The following SCMH1 variants were observed in gnomAD, a reference collection of about 807,000 sequenced individuals.
SCMH1 encodes polycomb protein SCMH1.
Under a neutral mutation model 70.8 loss-of-function variants are expected in SCMH1, and 37 were observed. The observed-to-expected ratio is 0.52, with a 90% CI of 0.40 to 0.69. The LOEUF (loss-of-function observed/expected upper bound fraction) is 0.69, where lower values mean the gene tolerates loss of function less well. Ranked by LOEUF, SCMH1 falls within the 30% of genes least tolerant of loss-of-function variation. The probability of loss-of-function intolerance (pLI) is 0.00; values close to 1 mark genes in which losing one functional copy is unlikely to be tolerated. For missense variants in SCMH1, 607 were observed against 827.3 expected, an observed-to-expected ratio of 0.73 and a Z score of 3.27; for synonymous variants, 292 against 307.4, an observed-to-expected ratio of 0.95 and a Z score of 0.52.
intron 2 of SCMH1, among the ~76,000 whole-genome samples, chr1:41,162,474 T>C (rs931580923): frequency 3.3e-5 from 5 of 152,030 alleles, no homozygotes; most frequent in South Asian, 2.1e-4. Context: ...TGGCCACCCA[T>C]AGACCAATGG....
intron 1 of SCMH1, among the ~76,000 whole-genome samples, chr1:41,190,531 G>C (rs993489849): frequency 1.3e-5 from 2 of 152,196 alleles, no homozygotes; most frequent in Non-Finnish European, 2.9e-5. Context: ...TATTGGTGAA[G>C]ATACTAAATC....
At chr1:41,175,765 A>G (rs1647075388) in intron 2 of SCMH1, among the ~76,000 whole-genome samples, 1 of 152,104 alleles carries the variant, frequency 6.6e-6, no homozygotes, top group African/African-American at 2.4e-5. Flanking sequence ...TCCCACTCCA[A>G]GTGTTTGCCT....
chr1:41,180,646 T>C (rs1648474270), intron 2 of SCMH1, among the ~76,000 whole-genome samples: 1 of 152,118 alleles, frequency 6.6e-6, no homozygotes, highest in Non-Finnish European at 1.5e-5. Context: ...ACAAGGGACG[T>C]GAAGGAGCTC....
intron 1 of SCMH1, among the ~76,000 whole-genome samples, chr1:41,240,714 AGTTT>A (rs1311101175): frequency 6.6e-6 from 1 of 151,570 alleles, no homozygotes; most frequent in Non-Finnish European, 1.5e-5. Flanking sequence ...GATGTCTTTT[AGTTT>A]GTTTGAACAA....
At chr1:41,118,947 A>T (rs375545263) in intron 6 of SCMH1, among the ~76,000 whole-genome samples, 3 of 152,224 alleles carry the variant, frequency 2.0e-5, no homozygotes, top group African/African-American at 7.2e-5. Context: ...TCACTATGCC[A>T]ATCACTTTCT....
intron 6 of SCMH1, among the ~76,000 whole-genome samples, chr1:41,129,453 A>C (rs2148051476): frequency 6.6e-6 from 1 of 152,204 alleles, no homozygotes; most frequent in Non-Finnish European, 1.5e-5. Flanking sequence ...ATCATACAAT[A>C]TTTGTGCTTT....
chr1:41,124,238 C>T (rs565097800), intron 6 of SCMH1, among the ~76,000 whole-genome samples: 10 of 152,100 alleles, frequency 6.6e-5, no homozygotes, highest in African/African-American at 1.2e-4. Flanking sequence ...GGAGATGTTA[C>T]GACACTTCAC....
At chr1:41,052,369 C>G (rs1015091) in intron 10 of SCMH1, among the ~76,000 whole-genome samples, 129,599 of 152,252 alleles carry the variant, frequency 0.85, 55,653 homozygotes, top group East Asian at 0.97. Flanking sequence ...GCGCATGCAA[C>G]GGATCTAGGT....
At chr1:41,141,305 A>G (rs1399611136) in intron 6 of SCMH1, among the ~76,000 whole-genome samples, 1 of 152,210 alleles carries the variant, frequency 6.6e-6, no homozygotes, top group East Asian at 1.9e-4. Flanking sequence ...TTGTTTATGT[A>G]TTGTCAACAG....
chr1:41,161,213 G>T, intron 3 of SCMH1, 151 bp downstream of exon 3: 1 of 1,261,302 alleles, frequency 7.9e-7, no homozygotes, highest in East Asian at 2.5e-5. Context: ...AAAGTATATT[G>T]CTTATGACCA....
chr1:41,187,239 G>A (rs190286216), intron 1 of SCMH1, among the ~76,000 whole-genome samples: 20 of 152,074 alleles, frequency 1.3e-4, no homozygotes, highest in Admixed American at 2.6e-4. Flanking sequence ...GAGGCTGACG[G>A]ATGCTTGAGG....
intron 6 of SCMH1, among the ~76,000 whole-genome samples, chr1:41,141,522 T>A (rs996371637): frequency 1.3e-5 from 2 of 152,222 alleles, no homozygotes; most frequent in Admixed American, 1.3e-4. Context: ...TATCACCAGC[T>A]ATGAAATATT....
chr1:41,236,294 G>A (rs1006288137), intron 1 of SCMH1, among the ~76,000 whole-genome samples: 20 of 152,192 alleles, frequency 1.3e-4, no homozygotes, highest in African/African-American at 4.3e-4. Context: ...TCTTTGGGAT[G>A]GGAGGGGTGC....
At chr1:41,168,427 T>G (rs554146690) in intron 2 of SCMH1, among the ~76,000 whole-genome samples, 1 of 152,234 alleles carries the variant, frequency 6.6e-6, no homozygotes, top group South Asian at 2.1e-4. Flanking sequence ...GTTGAATACC[T>G]CCATTGAATT....
At chr1:41,152,685 T>G (rs1400635921) in intron 4 of SCMH1, 2 of 1,614,022 alleles carry the variant, frequency 1.2e-6, no homozygotes, top group Non-Finnish European at 1.7e-6. Context: ...TTCTTGAAGT[T>G]TCCTCTGTAG....
At chr1:41,133,201 G>C (rs764380694) in intron 6 of SCMH1, among the ~76,000 whole-genome samples, 1 of 152,052 alleles carries the variant, frequency 6.6e-6, no homozygotes. Flanking sequence ...ATTTGTTTGT[G>C]TCCTTTTATT....
chr1:41,236,067 C>A (rs996987523), intron 1 of SCMH1, among the ~76,000 whole-genome samples: 2 of 152,136 alleles, frequency 1.3e-5, no homozygotes, highest in Non-Finnish European at 2.9e-5. Flanking sequence ...TCCCTTTATG[C>A]ATACATTGGA....
chr1:41,193,148 T>C (rs1006697713), intron 1 of SCMH1, among the ~76,000 whole-genome samples: 1 of 152,230 alleles, frequency 6.6e-6, no homozygotes, highest in Non-Finnish European at 1.5e-5. Flanking sequence ...GCTCTGATCA[T>C]TCCATTATTT....
intron 1 of SCMH1, among the ~76,000 whole-genome samples, chr1:41,241,468 G>C (rs1174343517): frequency 6.6e-6 from 1 of 152,082 alleles, no homozygotes; most frequent in African/African-American, 2.4e-5. Context: ...GGACGCTGCT[G>C]ACAGCTCCGG....
Sources: gnomAD v4.1 joint callset for allele counts (sites outside exome capture counted in the v4.1 genomes callset) on GRCh38, gnomAD v4.1.1 for gene constraint, MANE v1.5 for transcripts, NCBI Gene and HGNC (gene_info 2026-07-23, HGNC 2026-07-21) for gene names.